Variants in CFAP46 observed in about 807,000 individuals in gnomAD.
CFAP46 encodes cilia- and flagella-associated protein 46.
In CFAP46, 245 loss-of-function variants were observed where a neutral mutation model predicts 325.7. That is an observed-to-expected ratio of 0.75 (90% CI 0.68 to 0.84). CFAP46 has a LOEUF of 0.84. Ranked by LOEUF, CFAP46 falls within the 40% of genes least tolerant of loss-of-function variation. The pLI is 0.00. For missense variants in CFAP46, 3,346 were observed against 3,543.0 expected, an observed-to-expected ratio of 0.94 and a Z score of 1.41; for synonymous variants, 1,523 against 1,495.9, an observed-to-expected ratio of 1.02 and a Z score of -0.42.
At chr10:132,938,239 T>C (rs566608204) in intron 5 of CFAP46, among the ~76,000 whole-genome samples, 1 of 152,350 alleles carries the variant, frequency 6.6e-6, no homozygotes, top group East Asian at 1.9e-4. Flanking sequence ...CTCTGCTTAG[T>C]TTTACGCTGT....
chr10:132,857,596 A>C lies in CFAP46; in HGVS notation c.5568T>G (p.Leu1856=). 1 of 1,613,146 alleles carries C rather than the reference A, an allele frequency of 6.2e-7. No homozygotes were observed. The highest frequency in any genetic ancestry group is 8.5e-7 in the Non-Finnish European group (1 of 1,179,794). The stretch of plus-strand genomic sequence containing the variant: ...AACCAGGACACCTGCTTACGTCTTG[A>C]AGTGACAATAGGCCCTGGACGCTGT... ...RLHSVQGLLS[L]QDLQNVNTPL... Residue 1856 remains leucine, a synonymous_variant, in exon 39 of 58, where the codon CTT becomes CTG. Coordinates refer to ENST00000368586, the MANE Select transcript of CFAP46 (RefSeq NM_001200049.3).
intron 32 of CFAP46, among the ~76,000 whole-genome samples, chr10:132,870,712 G>T (rs1848885451): frequency 6.6e-6 from 1 of 152,234 alleles, no homozygotes. Flanking sequence ...GTTTGAAGCG[G>T]CAGAGGTGGG....
In CFAP46 at chr10:132,919,925, C is replaced by A; in HGVS notation, c.1730+134G>T. On this transcript the variant is annotated intron_variant, in intron 14 of 57. Transcript: ENST00000368586. The surrounding 1 kb of genome is among the most constrained non-coding windows in gnomAD (Gnocchi z 9.7). ...CCAGGCAGGGACCTCGTCCCACCAT[C>A]CTGGAGCAGGTGGCCTGGCGAGTCC... The A allele has an allele frequency of 8.1e-7, 1 of 1,232,088 alleles. No individual in the cohort carries two copies. The allele number at this position is 1,232,088 out of a possible 1,614,324, so 76.3% of individuals were successfully genotyped here.
At chr10:132,837,680 CAT>C (rs1266200825) in intron 44 of CFAP46, among the ~76,000 whole-genome samples, 1 of 144,398 alleles carries the variant, frequency 6.9e-6, no homozygotes, top group Middle Eastern at 3.6e-3. Context: ...CACGGACACA[CAT>C]GCACACGTAC....
At chr10:132,845,775 G>A (rs750123807) in intron 44 of CFAP46, among the ~76,000 whole-genome samples, 1 of 152,132 alleles carries the variant, frequency 6.6e-6, no homozygotes, top group Non-Finnish European at 1.5e-5. Flanking sequence ...CCATCTGCTG[G>A]TCAGCTCTTG....
At chr10:132,872,306 T>G (rs1308131783) in intron 32 of CFAP46, among the ~76,000 whole-genome samples, 3 of 152,196 alleles carry the variant, frequency 2.0e-5, no homozygotes, top group African/African-American at 7.2e-5. Context: ...CAGGCTAGAG[T>G]GCAGGGGCAT....
At position 132,916,590 on chromosome 10, in the gene CFAP46, C is replaced by A. The variant is rs1339585947; in HGVS notation, c.2079G>T (p.Val693=). ...CAGCATTCACCTCCGGGGGCTCAGG[C>A]ACGTAGCCAGCTGGGTGCTGGCTCA... ...EDLSQHPAGY[V]PEPPEVNAEW... Residue 693 remains valine, a synonymous_variant, in exon 17 of 58, where the codon GTG becomes GTT. Coordinates refer to ENST00000368586, the MANE Select transcript of CFAP46 (RefSeq NM_001200049.3). 6.5e-7 allele frequency: 1 copy of A among 1,547,422 alleles called. No homozygotes were observed. The highest frequency in any genetic ancestry group is 1.4e-5 in the African/African-American group (1 of 72,786).
At position 132,867,500 on chromosome 10, in the gene CFAP46, T is replaced by C. The variant is rs1460815640; in HGVS notation, c.4618A>G (p.Lys1540Glu). The change falls in exon 34 of 58, where the codon AAA (lysine) becomes GAA (glutamate). Residue 1540 changes from lysine to glutamate, a missense_variant. Coordinates refer to ENST00000368586, the MANE Select transcript of CFAP46 (RefSeq NM_001200049.3). ...VSELEQASCR[K>E]EIALKKEKNK... Reference sequence around the variant, plus strand: ...TTCTCTTTTTTCAACGCGATCTCTTTTCTGCAGCTAATGCGAGGAAAACAG... The same window carrying C: ...TTCTCTTTTTTCAACGCGATCTCTTCTCTGCAGCTAATGCGAGGAAAACAG... 6 of 1,549,966 alleles carry C rather than the reference T, an allele frequency of 3.9e-6. No homozygotes were observed. Among genetic ancestry groups the C allele is most frequent in the African/African-American group, 1.4e-5 (1 of 72,974 alleles).
intron 50 of CFAP46, among the ~76,000 whole-genome samples, chr10:132,823,729 GATGTGTGC>G (rs1239958395): frequency 1.5e-5 from 2 of 135,680 alleles, no homozygotes; most frequent in Admixed American, 7.7e-5. Flanking sequence ...GCTGTGTGCT[GATGTGTGC>G]TGTGTGCGCT....
chr10:132,895,989 C>T lies in CFAP46; in HGVS notation c.3219+2970G>A, dbSNP rs4991557. On this transcript the variant is annotated intron_variant, in intron 24 of 57. Coordinates refer to ENST00000368586, the MANE Select transcript of CFAP46 (RefSeq NM_001200049.3). ...GCTAGGCTCTGTGTGCCATGAGACACGGCGAGAAGGCAGCCAGGCTCTGTG... is the reference window on the plus strand; with the variant it reads ...GCTAGGCTCTGTGTGCCATGAGACATGGCGAGAAGGCAGCCAGGCTCTGTG... 3.9e-4 allele frequency among the ~76,000 whole-genome samples: 28 copies of T among 71,108 alleles called. 8 individuals carry two copies. Among genetic ancestry groups the T allele is most frequent in the Admixed American group, 1.5e-3 (8 of 5,352 alleles). The allele number at this position is 71,108 out of a possible 152,430, so 46.6% of individuals were successfully genotyped here.
intron 50 of CFAP46, among the ~76,000 whole-genome samples, chr10:132,829,455 G>A (rs1848113569): frequency 6.6e-6 from 1 of 152,170 alleles, no homozygotes; most frequent in African/African-American, 2.4e-5. Context: ...TTTTTCTGTA[G>A]ATTAGACTAC....
At chr10:132,912,596 T>TTTCC in intron 19 of CFAP46, 59 bp downstream of exon 19, 1 of 1,312,726 alleles carries the variant, frequency 7.6e-7, no homozygotes, top group Non-Finnish European at 1.0e-6. Flanking sequence ...TCTCTCTCTC[T>TTTCC]CCTCTCTCCT....
chr10:132,850,804 T>C (rs1848527568), intron 40 of CFAP46, among the ~76,000 whole-genome samples: 1 of 152,244 alleles, frequency 6.6e-6, no homozygotes, highest in Admixed American at 6.5e-5. Context: ...AGTCCACCTC[T>C]ATTGAGCTCT....
At chr10:132,937,429 T>C (rs755719959) in intron 6 of CFAP46, 123 bp downstream of exon 6, 18 of 1,109,310 alleles carry the variant, frequency 1.6e-5, no homozygotes, top group Middle Eastern at 2.7e-4. Context: ...ATTTTGTTCA[T>C]GTATGTATGC....
At chr10:132,899,815 C>T (rs535234075) in intron 22 of CFAP46, 149 bp from the exon 23 acceptor site, 63 of 922,606 alleles carry the variant, frequency 6.8e-5, no homozygotes, top group South Asian at 1.7e-4. Context: ...CACAGGGCTC[C>T]GCCCTCCCCG....
At chr10:132,912,511 TCCTCTCTCTCTC>T in intron 19 of CFAP46, 132 bp downstream of exon 19, 6 of 429,282 alleles carry the variant, frequency 1.4e-5, no homozygotes, top group Non-Finnish European at 2.1e-5. Flanking sequence ...CTCTCTCCTC[TCCTCTCTCTCTC>T]TTCACCTCTC....
intron 22 of CFAP46, among the ~76,000 whole-genome samples, chr10:132,906,140 G>T (rs1230621910): frequency 2.0e-5 from 3 of 152,250 alleles, no homozygotes; most frequent in Non-Finnish European, 4.4e-5. Context: ...GACCAACTCT[G>T]CTCCGGCCCT....
intron 22 of CFAP46, among the ~76,000 whole-genome samples, chr10:132,899,955 C>T (rs952890799): frequency 1.3e-5 from 2 of 152,182 alleles, no homozygotes; most frequent in Non-Finnish European, 2.9e-5. Flanking sequence ...ATGCTCTCAA[C>T]CACGGAGCTG....
chr10:132,846,925 G>A lies in CFAP46; in HGVS notation c.6267+7C>T. ...CCTGGCTGGAGGTGGGCAGGGCAGA[G>A]ACACACCTGAGACAGAGCCAGGAAC... is the stretch of plus-strand genomic sequence containing the variant. On this transcript the variant is annotated splice_region_variant and intron_variant, in intron 43 of 57. Transcript: ENST00000368586. The A allele has an allele frequency of 6.2e-7, 1 of 1,606,238 alleles. No individual in the cohort carries two copies. Among genetic ancestry groups the A allele is most frequent in the Non-Finnish European group, 8.5e-7 (1 of 1,177,120 alleles).
Sources: allele counts gnomAD v4.1 joint callset (sites outside exome capture counted in the v4.1 genomes callset), GRCh38; gene constraint gnomAD v4.1.1; non-coding constraint Gnocchi (gnomAD v3.1); transcripts MANE v1.5; gene names NCBI Gene and HGNC (gene_info 2026-07-23, HGNC 2026-07-21).